PPM1F: variants seen among roughly 807,000 people sequenced by gnomAD.
PPM1F encodes the protein protein phosphatase 1F.
In PPM1F, 17 loss-of-function variants were observed where a neutral mutation model predicts 35.5. That is an observed-to-expected ratio of 0.48 (90% CI 0.33 to 0.72). The LOEUF (loss-of-function observed/expected upper bound fraction) is 0.72. Ranked by LOEUF, PPM1F falls within the 30% of genes least tolerant of loss-of-function variation. The pLI, the probability that PPM1F is intolerant of heterozygous loss-of-function variation, is 0.02. For synonymous variants in PPM1F, 241 were observed against 255.5 expected, an observed-to-expected ratio of 0.94 and a Z score of 0.54; for missense variants, 521 against 613.0, an observed-to-expected ratio of 0.85 and a Z score of 1.59.
chr22:21,933,611 G>T, intron 4 of PPM1F, 32 bp from the exon 5 acceptor site: 6 of 1,585,824 alleles, frequency 3.8e-6, no homozygotes, highest in Non-Finnish European at 5.2e-6. Context: ...TCACAGACCC[G>T]CGGGACCCAG....
At chr22:21,938,835 G>C (rs1569130086) in intron 3 of PPM1F, 1 of 154,138 alleles carries the variant, frequency 6.5e-6, no homozygotes, top group African/African-American at 2.4e-5. Flanking sequence ...ATGAAAGAAA[G>C]TCACATGAAA....
At chr22:21,943,636 C>A in intron 2 of PPM1F, 1 of 152,532 alleles carries the variant, frequency 6.6e-6, no homozygotes. Flanking sequence ...GGTTCGGGGC[C>A]CTCCTGGGCA....
In PPM1F at chr22:21,923,248, G is replaced by A. The variant is rs758244722; in HGVS notation, c.1209C>T (p.His403=). 2.1e-5 allele frequency: 34 copies of A among 1,613,306 alleles called. No homozygotes were observed. Among genetic ancestry groups the A allele is most frequent in the South Asian group, 7.7e-5 (7 of 91,072 alleles). ...LVAAARERGS[H]DNITVMVVFL... ...AGACCACCATGACCGTGATGTTGTC[G>A]TGGGAGCCCCGCTCCCGGGCCGCAG... Residue 403 remains histidine, a synonymous_variant, in exon 8 of 8, where the codon CAC becomes CAT. Transcript: ENST00000263212.
intron 1 of PPM1F, chr22:21,952,188 C>G (rs1713600457): frequency 6.6e-6 from 1 of 152,316 alleles, no homozygotes; most frequent in African/African-American, 2.4e-5. Context: ...CTGACCGAAC[C>G]CAGCGGCAAT....
chr22:21,943,442 T>C (rs1332831230), intron 2 of PPM1F: 1 of 152,176 alleles, frequency 6.6e-6, no homozygotes, highest in Non-Finnish European at 1.5e-5. Context: ...AAATACTCCA[T>C]TTTAGTTCAC....
chr22:21,928,574 G>C (rs1195586508), intron 6 of PPM1F, among the ~76,000 whole-genome samples: 1 of 152,094 alleles, frequency 6.6e-6, no homozygotes. Flanking sequence ...TCTACCCACT[G>C]ATTCTGGGGC....
chr22:21,925,499 G>A lies in PPM1F; in HGVS notation c.985+70C>T, dbSNP rs189694476. ...TGCCTCCCTGAACCCCTGGTGAGCC[G>A]CGGGCCACACTCGAGGCCTGGGCTT... On this transcript the variant is annotated intron_variant, in intron 7 of 7. Coordinates refer to ENST00000263212, the MANE Select transcript of PPM1F (RefSeq NM_014634.4). 2.5e-3 allele frequency: 3,510 copies of A among 1,377,736 alleles called. 12 individuals carry two copies. The highest frequency in any genetic ancestry group is 3.3e-3 in the Non-Finnish European group (3,203 of 975,246). The allele number at this position is 1,377,736 out of a possible 1,614,324, so 85.3% of individuals were successfully genotyped here.
intron 5 of PPM1F, among the ~76,000 whole-genome samples, chr22:21,933,186 G>A (rs2070613238): frequency 6.6e-6 from 1 of 152,216 alleles, no homozygotes; most frequent in Non-Finnish European, 1.5e-5. Context: ...TGGCTGAGAG[G>A]CCCACCATGC....
intron 5 of PPM1F, 134 bp downstream of exon 5, chr22:21,933,257 A>C (rs561049515): frequency 2.4e-6 from 2 of 823,524 alleles, no homozygotes; most frequent in South Asian, 4.0e-5. Context: ...CTTTAGAAAA[A>C]ATGGCAGGAC....
intron 1 of PPM1F, 175 bp from the exon 2 acceptor site, chr22:21,946,283 A>C (rs2070776747): frequency 2.5e-6 from 1 of 397,618 alleles, no homozygotes; most frequent in Non-Finnish European, 4.5e-6. Flanking sequence ...ACTTGTGGGC[A>C]TCCAGAGATC....
chr22:21,951,841 C>T (rs888134091), intron 1 of PPM1F: 3 of 152,238 alleles, frequency 2.0e-5, no homozygotes, highest in Non-Finnish European at 4.4e-5. Context: ...AAGGGCAAAG[C>T]GAACTCAATC....
At chr22:21,925,065 T>C (rs188690629) in intron 7 of PPM1F, 1 of 161,556 alleles carries the variant, frequency 6.2e-6, no homozygotes, top group African/African-American at 2.4e-5. Flanking sequence ...GCCTGGCTAA[T>C]TTTTTGTATT....
chr22:21,938,473 ACC>A (rs2070688259), intron 3 of PPM1F: 6 of 1,115,634 alleles, frequency 5.4e-6, no homozygotes, highest in Non-Finnish European at 6.6e-6. Flanking sequence ...GAGCGCGGGC[ACC>A]CACTGATGCT....
At chr22:21,938,556 T>C in intron 3 of PPM1F, 1 of 1,046,732 alleles carries the variant, frequency 9.6e-7, no homozygotes, top group Non-Finnish European at 1.2e-6. Context: ...ACGCATGCAC[T>C]AGTAATGCCG....
intron 6 of PPM1F, among the ~76,000 whole-genome samples, chr22:21,928,224 G>A (rs2070543839): frequency 6.6e-6 from 1 of 152,140 alleles, no homozygotes; most frequent in African/African-American, 2.4e-5. Flanking sequence ...CTTCCTAGGA[G>A]TGCAGTGCTC....
Position 21,939,431 on chromosome 22 carries a change from A to T in PPM1F, c.355+101T>A. On this transcript the variant is annotated intron_variant, in intron 3 of 7. Transcript: ENST00000263212. This position sits in a 1 kb window ranked among gnomAD's most constrained non-coding sequence, Gnocchi z 5.1. The stretch of plus-strand genomic sequence containing the variant: ...TGCTGCCGTTGTGAGCGAGGGCCCC[A>T]GCACCCTTAGGGACCCCAATCAATG... 2 of 1,485,088 alleles carry T rather than the reference A, an allele frequency of 1.3e-6. No homozygotes were observed. The highest frequency in any genetic ancestry group is 1.4e-5 in the African/African-American group (1 of 71,768). 92.0% of individuals were successfully genotyped at this position (1,485,088 alleles called of 1,614,324 possible).
rs1463649020 is a variant in PPM1F, at chr22:21,933,492, T to G, written c.646A>C (p.Asn216His). Residue 216 changes from asparagine to histidine, a missense_variant, in exon 5 of 8, where the codon AAC (asparagine) becomes CAC (histidine). By Grantham distance (68) the Asn-to-His change is moderately conservative. This residue lies in a region of PPM1F where 311 missense variants were observed against 351.5 expected (regional missense o/e 0.88). Coordinates refer to ENST00000263212, the MANE Select transcript of PPM1F (RefSeq NM_014634.4). ...ARYAAVHVHTNAARQPELPTD... is the reference protein window; with the variant it reads ...ARYAAVHVHTHAARQPELPTD... ...GGCAGCTCTGGCTGGCGGGCAGCGTTGGTGTGCACGTGGACAGCGGCGTAC... is the reference window on the plus strand; with the variant it reads ...GGCAGCTCTGGCTGGCGGGCAGCGTGGGTGTGCACGTGGACAGCGGCGTAC... The G allele has an allele frequency of 6.2e-7, 1 of 1,613,638 alleles. No homozygotes were observed. The highest frequency in any genetic ancestry group is 1.1e-5 in the South Asian group (1 of 91,080).
Position 21,946,011 on chromosome 22 carries a change from G to A in PPM1F, c.38C>T (p.Ala13Val). The change falls in exon 2 of 8, where the codon GCC becomes GTC. Residue 13 changes from alanine to valine, a missense_variant. Coordinates refer to ENST00000263212, the MANE Select transcript of PPM1F (RefSeq NM_014634.4). Reference sequence around the variant, plus strand: ...GCCTGGGGTCTCCTCAGCTCCACTGGCCATTGGGCTGCTCTTCTGTGGGGC... The same window carrying A: ...GCCTGGGGTCTCCTCAGCTCCACTGACCATTGGGCTGCTCTTCTGTGGGGC... ...SGAPQKSSPMASGAEETPGFL... is the reference protein window; with the variant it reads ...SGAPQKSSPMVSGAEETPGFL... 2.5e-6 allele frequency: 4 copies of A among 1,586,904 alleles called. No individual in the cohort carries two copies. The African/African-American group carries it at 4.1e-5, about 16-fold the overall frequency.
At position 21,939,566 on chromosome 22, in the gene PPM1F, C is replaced by T. The variant is rs138566201; in HGVS notation, c.321G>A (p.Glu107=). 110 of 1,579,644 alleles carry T rather than the reference C, an allele frequency of 7.0e-5. 2 individuals carry two copies. In the South Asian group the frequency reaches 1.2e-3, roughly 17 times the overall value. Reference sequence around the variant, plus strand: ...GGGCCTTTTCCTCCTCGTCATCGTCCTCCTCCTCTTCTTCTTCCTCCCTGG... The same window carrying T: ...GGGCCTTTTCCTCCTCGTCATCGTCTTCCTCCTCTTCTTCTTCCTCCCTGG... ...KLPREEEEEE[E]DDDEEEKAPV... The change falls in exon 3 of 8, where the codon GAG becomes GAA. Residue 107 remains glutamate, a synonymous_variant. Transcript: ENST00000263212. This position sits in a 1 kb window ranked among gnomAD's most constrained non-coding sequence, Gnocchi z 5.1.
Sources: gnomAD v4.1 joint callset for allele counts (sites outside exome capture counted in the v4.1 genomes callset) on GRCh38, gnomAD v4.1.1 for gene constraint, gnomAD v4.1.1 regional missense constraint, Gnocchi (gnomAD v3.1) non-coding constraint, MANE v1.5 for transcripts, NCBI Gene and HGNC (gene_info 2026-07-23, HGNC 2026-07-21) for gene names.